Variants in SGCZ observed in about 807,000 individuals in gnomAD.
The protein encoded by SGCZ is zeta-sarcoglycan.
SGCZ carries 40 observed loss-of-function variants against 41.3 expected under a neutral mutation model. That is an observed-to-expected ratio of 0.97 (90% confidence interval 0.75 to 1.26). The LOEUF (loss-of-function observed/expected upper bound fraction) is 1.26, where lower values mean the gene tolerates loss of function less well. SGCZ is among the 50% of genes most tolerant of loss of function. The pLI is 0.00. For missense variants in SGCZ, 552 were observed against 369.8 expected (o/e 1.49, Z -4.04); for synonymous variants, 206 against 137.5 (o/e 1.50, Z -3.49).
chr8:14,244,643 G>C (rs186174841), intron 3 of SGCZ, among the ~76,000 whole-genome samples: 21 of 151,678 alleles, frequency 1.4e-4, no homozygotes, highest in Admixed American at 3.9e-4. Context: ...GGCATTGGTA[G>C]CTTGATGGGG....
intron 1 of SGCZ, among the ~76,000 whole-genome samples, chr8:14,781,041 A>T (rs1189643953): frequency 6.6e-6 from 1 of 152,210 alleles, no homozygotes; most frequent in Non-Finnish European, 1.5e-5. Flanking sequence ...TTCTATAAAT[A>T]TTTAGTATGG....
chr8:14,337,524 T>G (rs77496936), intron 2 of SGCZ, among the ~76,000 whole-genome samples: 1 of 152,122 alleles, frequency 6.6e-6, no homozygotes, highest in South Asian at 2.1e-4. Context: ...GTTACTAGAA[T>G]GACTCCCGGA....
chr8:14,929,582 A>G (rs1799867236), intron 1 of SGCZ, among the ~76,000 whole-genome samples: 1 of 151,738 alleles, frequency 6.6e-6, no homozygotes, highest in Non-Finnish European at 1.5e-5. Context: ...AATTTTGGTA[A>G]CTTATTCTGA....
chr8:14,424,292 A>G (rs558920758), intron 2 of SGCZ, among the ~76,000 whole-genome samples: 2 of 152,182 alleles, frequency 1.3e-5, no homozygotes, highest in Non-Finnish European at 2.9e-5. Flanking sequence ...TTCTCATTAT[A>G]ATAATGAAGG....
At chr8:15,193,278 A>G (rs143494193) in intron 1 of SGCZ, among the ~76,000 whole-genome samples, 1 of 152,226 alleles carries the variant, frequency 6.6e-6, no homozygotes, top group East Asian at 1.9e-4. Context: ...TTGCTTGAAT[A>G]TATCACTGAA....
intron 1 of SGCZ, among the ~76,000 whole-genome samples, chr8:14,904,627 G>A (rs1312875781): frequency 6.6e-6 from 1 of 151,800 alleles, no homozygotes. Context: ...TTCACCAACT[G>A]CACAATTTAT....
intron 3 of SGCZ, among the ~76,000 whole-genome samples, chr8:14,245,403 T>C (rs952726846): frequency 6.6e-6 from 1 of 152,186 alleles, no homozygotes; most frequent in Non-Finnish European, 1.5e-5. Flanking sequence ...TGTAGAAAGC[T>C]GAAACTGCAT....
rs545984181 is a variant in SGCZ, at chr8:14,312,253, A to C, written c.336+11850T>G. Among the ~76,000 whole-genome samples, 292 of 152,304 alleles carry C rather than the reference A, an allele frequency of 1.9e-3. 1 individual carries two copies. The highest frequency in any genetic ancestry group is 6.9e-3 in the African/African-American group (287 of 41,580). On this transcript the variant is annotated intron_variant, in intron 3 of 7. Transcript: ENST00000382080. ...TTACTGTGGTTCAAATTCAAAAAAG[A>C]TTGAAAAACACTAAACTAGTTTAAG... is the stretch of plus-strand genomic sequence containing the variant.
intron 3 of SGCZ, among the ~76,000 whole-genome samples, chr8:14,259,997 G>A (rs1251769267): frequency 2.6e-5 from 4 of 152,078 alleles, no homozygotes; most frequent in Admixed American, 6.5e-5. Context: ...CTTGAGCAGT[G>A]GTTTGTAGTT....
At chr8:14,212,453 A>G (rs1209288521) in intron 4 of SGCZ, among the ~76,000 whole-genome samples, 1 of 120,900 alleles carries the variant, frequency 8.3e-6, no homozygotes, top group Non-Finnish European at 1.7e-5. Context: ...ACAACCAACA[A>G]AGAATGCAAA....
intron 1 of SGCZ, among the ~76,000 whole-genome samples, chr8:15,045,754 T>C (rs868063089): frequency 2.6e-5 from 4 of 152,066 alleles, no homozygotes; most frequent in African/African-American, 9.7e-5. Context: ...GCCAAATTGA[T>C]TGCAAGTGAC....
In SGCZ at chr8:14,908,242, T is replaced by A. The variant is rs116254248; in HGVS notation, c.39+329343A>T. The stretch of plus-strand genomic sequence containing the variant: ...ATCATTTTTATCTAAATTACCTCAA[T>A]TGGTCCGCAAAATGTTCAGTAAACT... On this transcript the variant is annotated intron_variant, in intron 1 of 7. Transcript: ENST00000382080. Among the ~76,000 whole-genome samples the A allele has an allele frequency of 3.7e-3, 559 of 152,266 alleles. 4 individuals are homozygous for A. The highest frequency in any genetic ancestry group is 0.013 in the African/African-American group (534 of 41,566).
chr8:14,537,730 T>C (rs1368222161), intron 2 of SGCZ, among the ~76,000 whole-genome samples: 2 of 151,904 alleles, frequency 1.3e-5, no homozygotes, highest in African/African-American at 4.8e-5. Context: ...TCATTGAATG[T>C]TCCCCCCTCA....
intron 4 of SGCZ, among the ~76,000 whole-genome samples, chr8:14,198,657 T>C (rs1805356291): frequency 6.6e-6 from 1 of 152,116 alleles, no homozygotes; most frequent in Non-Finnish European, 1.5e-5. Context: ...CTAGTTGTTA[T>C]AAAATTGTGC....
At chr8:14,486,638 A>G (rs1801684116) in intron 2 of SGCZ, among the ~76,000 whole-genome samples, 1 of 152,200 alleles carries the variant, frequency 6.6e-6, no homozygotes, top group African/African-American at 2.4e-5. Flanking sequence ...CCACGGCACC[A>G]TCACGGCTCA....
intron 1 of SGCZ, among the ~76,000 whole-genome samples, chr8:15,142,316 T>A (rs1156955419): frequency 6.6e-6 from 1 of 152,124 alleles, no homozygotes; most frequent in African/African-American, 2.4e-5. Flanking sequence ...GTTATGTTGT[T>A]TCAACATAAT....
At chr8:14,705,523 C>T (rs971610118) in intron 1 of SGCZ, among the ~76,000 whole-genome samples, 5 of 151,884 alleles carry the variant, frequency 3.3e-5, no homozygotes, top group Admixed American at 2.0e-4. Context: ...ACCTTGTCTC[C>T]GATGACTCTC....
chr8:14,536,675 AC>A (rs1227670286), intron 2 of SGCZ, among the ~76,000 whole-genome samples: 1 of 151,862 alleles, frequency 6.6e-6, no homozygotes. Flanking sequence ...AATTCCTTTG[AC>A]CCTGGTATAT....
Position 14,352,827 on chromosome 8 carries a change from A to G in SGCZ, c.235-28623T>C, listed in dbSNP as rs868456581. Among the ~76,000 whole-genome samples, 4 of 152,076 alleles carry G rather than the reference A, an allele frequency of 2.6e-5. No homozygotes were observed. In the East Asian group the frequency reaches 7.7e-4, roughly 29 times the overall value. On this transcript the variant is annotated intron_variant, in intron 2 of 7. Coordinates refer to ENST00000382080, the MANE Select transcript of SGCZ (RefSeq NM_139167.4). ...CTCCCTGTAAACAACACATGCATGC[A>G]GTCATATTTTTAGGTGTCTTTTAAC... is the stretch of plus-strand genomic sequence containing the variant.
Sources: gnomAD v4.1 joint callset for allele counts (sites outside exome capture counted in the v4.1 genomes callset) on GRCh38, gnomAD v4.1.1 for gene constraint, MANE v1.5 for transcripts, NCBI Gene and HGNC (gene_info 2026-07-23, HGNC 2026-07-21) for gene names.